C4orf50: variants seen among roughly 807,000 people sequenced by gnomAD.
The protein encoded by C4orf50 is uncharacterized protein C4orf50.
Under a neutral mutation model 77.2 loss-of-function variants are expected in C4orf50, and 80 were observed. The observed-to-expected ratio is 1.04, with a 90% CI of 0.87 to 1.25. C4orf50 has a LOEUF of 1.25. C4orf50 is among the 50% of genes most tolerant of loss of function. The pLI is 0.00. For missense variants in C4orf50, 1,257 were observed against 1,152.9 expected (o/e 1.09, Z -1.31); for synonymous variants, 532 against 465.3 (o/e 1.14, Z -1.84).
At chr4:6,004,063 A>G (rs1306894071) in intron 25 of C4orf50, among the ~76,000 whole-genome samples, 13 of 52,032 alleles carry the variant, frequency 2.5e-4, no homozygotes, top group South Asian at 6.3e-4. Flanking sequence ...GATGGTGATG[A>G]TGGTGATGGT....
At chr4:5,964,892 T>C in intron 33 of C4orf50, 132 bp downstream of exon 11, 1 of 620,926 alleles carries the variant, frequency 1.6e-6, no homozygotes, top group Non-Finnish European at 2.7e-6. Flanking sequence ...CGGGAGTCGA[T>C]TGTGTTCTAT....
At chr4:5,979,369 G>GAGT (rs770813557) in intron 29 of C4orf50, among the ~76,000 whole-genome samples, 3 of 152,216 alleles carry the variant, frequency 2.0e-5, no homozygotes, top group African/African-American at 4.8e-5. Flanking sequence ...TTAAAGGAAT[G>GAGT]AGTTCACTTT....
In C4orf50 at chr4:5,967,295, C is replaced by A; in HGVS notation, c.4153+119G>T. ...CGGGAGGGAGAGGTGGGTCCTGTTC[C>A]TTTTAGTAGCATGAATGCGACAGTG... On this transcript the variant is annotated intron_variant, in intron 32 of 33. Coordinates refer to ENST00000531445, the Ensembl canonical transcript of C4orf50. The A allele has an allele frequency of 3.7e-6, 3 of 813,922 alleles. No individual in the cohort carries two copies. In the South Asian group the frequency reaches 4.1e-5, roughly 11 times the overall value. 50.4% of individuals were successfully genotyped at this position (813,922 alleles called of 1,614,324 possible).
chr4:5,985,615 G>T (rs761009704), intron 28 of C4orf50, among the ~76,000 whole-genome samples: 6 of 151,786 alleles, frequency 4.0e-5, no homozygotes, highest in Non-Finnish European at 8.8e-5. Context: ...AACAAAGGGA[G>T]GAAAGAAAGA....
At chr4:5,902,256 T>A (rs1010740109) in intron 7 of C4orf50, 29 of 152,250 alleles carry the variant, frequency 1.9e-4, no homozygotes, top group Admixed American at 1.9e-3. Context: ...CTCTATTGAA[T>A]GTCTACTATG....
chr4:5,962,069 C>A lies in C4orf50; in HGVS notation c.4276-2443G>T, dbSNP rs773192249. On this transcript the variant is annotated intron_variant, in intron 33 of 33. Transcript: ENST00000531445. ...AAATGCTCATGACGACTGGACAGAACCAAGACTGCAGCGAAAATGCAGTGC... is the reference window on the plus strand; with the variant it reads ...AAATGCTCATGACGACTGGACAGAAACAAGACTGCAGCGAAAATGCAGTGC... Among the ~76,000 whole-genome samples, 44 of 152,322 alleles carry A rather than the reference C, an allele frequency of 2.9e-4. No individual in the cohort carries two copies. The Middle Eastern group carries it at 0.01, about 35-fold the overall frequency.
chr4:5,979,971 T>A (rs931409480), intron 29 of C4orf50, among the ~76,000 whole-genome samples: 3 of 152,214 alleles, frequency 2.0e-5, no homozygotes, highest in Admixed American at 6.5e-5. Context: ...GTGCATTTTT[T>A]AAATTTAACA....
chr4:5,955,439 G>T (rs983265451), downstream of C4orf50, among the ~76,000 whole-genome samples: 2 of 152,108 alleles, frequency 1.3e-5, no homozygotes, highest in African/African-American at 4.8e-5. The surrounding 1 kb of genome is among the most constrained non-coding windows in gnomAD (Gnocchi z 5.1). Flanking sequence ...GAATGCCACC[G>T]CCGGGCACTG....
chr4:5,968,746 C>T (rs968754688), intron 31 of C4orf50, among the ~76,000 whole-genome samples: 1 of 152,140 alleles, frequency 6.6e-6, no homozygotes. Flanking sequence ...CCCTTTATTG[C>T]CCCTGGGTTT....
intron 28 of C4orf50, among the ~76,000 whole-genome samples, chr4:5,988,103 G>T (rs1720976385): frequency 6.6e-6 from 1 of 152,208 alleles, no homozygotes; most frequent in Non-Finnish European, 1.5e-5. Context: ...TCCCATAGCA[G>T]GTGGGAACAG....
intron 7 of C4orf50, among the ~76,000 whole-genome samples, chr4:5,917,517 G>A (rs764264337): frequency 6.8e-5 from 10 of 146,256 alleles, no homozygotes; most frequent in Non-Finnish European, 1.3e-4. Context: ...GGGTTCAAGC[G>A]ATACTCCTGC....
rs149110044 is a variant in C4orf50, at chr4:5,991,032, T to C, written c.1222-208A>G. Among the ~76,000 whole-genome samples the C allele has an allele frequency of 3.5e-3, 540 of 152,316 alleles. 2 individuals are homozygous for C. The highest frequency in any genetic ancestry group is 0.012 in the South Asian group (56 of 4,826). On this transcript the variant is annotated intron_variant, in intron 27 of 33. Coordinates refer to ENST00000531445, the Ensembl canonical transcript of C4orf50. ...CAGAATGTCCTTCCCCTAGATGCCC[T>C]CATGGCTCACTCCCTGGCTCCATTC...
Position 5,970,619 on chromosome 4 carries a change from G to A in C4orf50, c.4104+3040C>T, listed in dbSNP as rs911600598. 1.3e-5 allele frequency among the ~76,000 whole-genome samples: 2 copies of A among 152,216 alleles called. No individual in the cohort carries two copies. Among genetic ancestry groups the A allele is most frequent in the Non-Finnish European group, 2.9e-5 (2 of 68,032 alleles). On this transcript the variant is annotated intron_variant, in intron 31 of 33. Coordinates refer to ENST00000531445, the Ensembl canonical transcript of C4orf50. This position sits in a 1 kb window ranked among gnomAD's most constrained non-coding sequence, Gnocchi z 4.3. ...AGGGCACTGGGGCCAAACCGACTCT[G>A]AGGCTCAATTTCCACCACGCACCCA...
exon 28 of C4orf50, chr4:5,989,068 A>T: frequency 6.5e-7 from 1 of 1,535,950 alleles, no homozygotes; most frequent in Non-Finnish European, 8.7e-7. Flanking sequence ...ATATTGATCC[A>T]GTTCTTTCTT....
chr4:5,954,386 C>T (rs1482219196), downstream of C4orf50, among the ~76,000 whole-genome samples: 1 of 152,106 alleles, frequency 6.6e-6, no homozygotes, highest in Admixed American at 6.5e-5. The surrounding 1 kb of genome is among the most constrained non-coding windows in gnomAD (Gnocchi z 4.7). Flanking sequence ...ACCTGCTGCC[C>T]GATGCTAAAT....
rs1721775163 is a variant in C4orf50, at chr4:6,000,256, C to T, written c.964-5780G>A. ...CACAGATGTGCAGAGGCCTGGAAGC[C>T]ACAGCCATGGCCACTGAGGCTCATG... On this transcript the variant is annotated intron_variant, in intron 25 of 33. Coordinates refer to ENST00000531445, the Ensembl canonical transcript of C4orf50. This position sits in a 1 kb window ranked among gnomAD's most constrained non-coding sequence, Gnocchi z 6.0. 6.6e-6 allele frequency among the ~76,000 whole-genome samples: 1 copy of T among 152,112 alleles called. No homozygotes were observed. Among genetic ancestry groups the T allele is most frequent in the Non-Finnish European group, 1.5e-5 (1 of 68,024 alleles).
chr4:5,988,357 T>C (rs1720994873), exon 28 of C4orf50: 1 of 1,613,946 alleles, frequency 6.2e-7, no homozygotes, highest in Non-Finnish European at 8.5e-7. Context: ...CATGGGGCCA[T>C]TGCTCAGGGA....
intron 7 of C4orf50, chr4:5,904,378 G>T (rs1161551813): frequency 2.0e-5 from 3 of 152,444 alleles, no homozygotes; most frequent in African/African-American, 7.2e-5. Context: ...GCACTTTGGG[G>T]TGCTGTGGTC....
chr4:5,995,583 G>C (rs1263986242), intron 25 of C4orf50, among the ~76,000 whole-genome samples: 4 of 151,670 alleles, frequency 2.6e-5, no homozygotes, highest in African/African-American at 9.7e-5. Flanking sequence ...CACAGCCCTG[G>C]CTGCTTCCAC....
Sources: gnomAD v4.1 joint callset for allele counts (sites outside exome capture counted in the v4.1 genomes callset) on GRCh38, gnomAD v4.1.1 for gene constraint, Gnocchi (gnomAD v3.1) non-coding constraint, MANE v1.5 for transcripts, NCBI Gene and HGNC (gene_info 2026-07-23, HGNC 2026-07-21) for gene names.